SVIL: variants seen among roughly 807,000 people sequenced by gnomAD.
The protein encoded by SVIL is archvillin.
In SVIL, 101 loss-of-function variants were observed where a neutral mutation model predicts 240.4. The observed-to-expected ratio is 0.42, with a 90% CI of 0.36 to 0.50. The LOEUF (loss-of-function observed/expected upper bound fraction) is 0.50. Ranked by LOEUF, SVIL falls within the 20% of genes least tolerant of loss-of-function variation. The pLI is 0.01. For missense variants in SVIL, 2,512 were observed against 2,818.7 expected, an observed-to-expected ratio of 0.89 and a Z score of 2.46; for synonymous variants, 999 against 1,100.0, an observed-to-expected ratio of 0.91 and a Z score of 1.82.
At chr10:29,735,906 C>G (rs936873589), upstream of SVIL, 1 of 152,200 alleles carries the variant, frequency 6.6e-6, no homozygotes, top group Non-Finnish European at 1.5e-5. The surrounding 1 kb of genome is among the most constrained non-coding windows in gnomAD (Gnocchi z 4.1). Context: ...CACTTCGCTC[C>G]TTACCTGGAG....
At chr10:29,463,829 G>A (rs149712967) in intron 34 of SVIL, among the ~76,000 whole-genome samples, 194 bp from the exon 35 acceptor site, 7 of 152,334 alleles carry the variant, frequency 4.6e-5, no homozygotes, top group East Asian at 3.9e-4. Context: ...ACAGTTCAAC[G>A]GGGAGAAGCC....
rs575649548 is a variant in SVIL, at chr10:29,663,389, T to G, written c.-300-5321A>C. Among the ~76,000 whole-genome samples the G allele has an allele frequency of 2.0e-5, 3 of 152,282 alleles. No homozygotes were observed. In the South Asian group the frequency reaches 6.2e-4, roughly 32 times the overall value. ...AATCAACAGATACTTATATTTCTTT[T>G]TTTTGTTTTTTTCTTTTGAGACACA... On this transcript the variant is annotated intron_variant, in intron 2 of 35. Transcript: ENST00000375400.
chr10:29,670,505 A>G (rs1959681924), intron 2 of SVIL, among the ~76,000 whole-genome samples: 1 of 152,248 alleles, frequency 6.6e-6, no homozygotes, highest in Non-Finnish European at 1.5e-5. Flanking sequence ...GTCTGATGGG[A>G]AAGAGAAGTC....
intron 32 of SVIL, chr10:29,468,978 T>C (rs772203586): frequency 6.6e-6 from 1 of 152,228 alleles, no homozygotes. Context: ...CCCCAGTTCC[T>C]AACTCCAGTC....
chr10:29,691,363 C>T (rs945610712), intron 1 of SVIL, among the ~76,000 whole-genome samples: 1 of 152,060 alleles, frequency 6.6e-6, no homozygotes, highest in Non-Finnish European at 1.5e-5. Flanking sequence ...AGGCGCCCAC[C>T]ACCACGCCCG....
At chr10:29,544,129 C>T (rs993227946) in intron 6 of SVIL, among the ~76,000 whole-genome samples, 2 of 152,202 alleles carry the variant, frequency 1.3e-5, no homozygotes, top group Non-Finnish European at 1.5e-5. Context: ...AAAAGTGCTT[C>T]CTGTTACCAA....
chr10:29,624,395 G>A lies in SVIL; in HGVS notation c.-201+10025C>T, dbSNP rs185954427. On this transcript the variant is annotated intron_variant, in intron 1 of 37. Transcript: ENST00000355867. The stretch of plus-strand genomic sequence containing the variant: ...TCTACTAAAAATACAAAAATTAGCC[G>A]GGTGTGGTGGCACACACCTGTAATC... 2.5e-4 allele frequency among the ~76,000 whole-genome samples: 38 copies of A among 152,106 alleles called. No homozygotes were observed. The East Asian group carries it at 6.0e-3, about 24-fold the overall frequency.
rs55843963 is a variant in SVIL at position 29,550,444 on chromosome 10, G to GAA, written c.827+151_827+152dup. Among the ~76,000 whole-genome samples, 3,146 of 132,882 alleles carry GAA rather than the reference G, an allele frequency of 0.024. 124 individuals are homozygous for GAA. Among genetic ancestry groups the GAA allele is most frequent in the African/African-American group, 0.079 (2,910 of 36,714 alleles). 87.2% of individuals were successfully genotyped at this position (132,882 alleles called of 152,430 possible). On this transcript the variant is annotated intron_variant, in intron 6 of 37. Transcript: ENST00000355867. ...GCAACAGAGTGGGACCCTGTCTTCA[G>GAA]AAAAAAAAAAAAAAGAATCATATAC...
At chr10:29,542,820 T>C (rs7899515) in intron 6 of SVIL, among the ~76,000 whole-genome samples, 83,135 of 152,036 alleles carry the variant, frequency 0.55, 23,493 homozygotes, top group African/African-American at 0.7. Flanking sequence ...ATCCTTCCTA[T>C]GACATAGGGT....
chr10:29,529,099 C>A (rs1407834453), intron 12 of SVIL, among the ~76,000 whole-genome samples: 1 of 147,966 alleles, frequency 6.8e-6, no homozygotes, highest in East Asian at 2.0e-4. Flanking sequence ...TCGCTTGAAC[C>A]CAGGAGGCGG....
In SVIL at chr10:29,465,188, C is replaced by CT. The variant is rs201920409; in HGVS notation, c.6133+406dup. Among the ~76,000 whole-genome samples the CT allele has an allele frequency of 1.9e-3, 288 of 152,256 alleles. 1 individual carries two copies. Among genetic ancestry groups the CT allele is most frequent in the African/African-American group, 6.6e-3 (275 of 41,550 alleles). On this transcript the variant is annotated intron_variant, in intron 34 of 37. Coordinates refer to ENST00000355867, the MANE Select transcript of SVIL (RefSeq NM_021738.3). The stretch of plus-strand genomic sequence containing the variant: ...AGAGAGAGAGTGGCTATTAGGTGGG[C>CT]TTTTTTCCTTCCCCTTTCTTTCTCT...
At chr10:29,506,576 T>C (rs1439892441) in intron 17 of SVIL, among the ~76,000 whole-genome samples, 1 of 151,358 alleles carries the variant, frequency 6.6e-6, no homozygotes, top group Non-Finnish European at 1.5e-5. Context: ...ACCTGAGAGC[T>C]AAGAAAGCCC....
intron 2 of SVIL, among the ~76,000 whole-genome samples, chr10:29,678,309 G>A (rs1376358230): frequency 6.6e-6 from 1 of 151,784 alleles, no homozygotes; most frequent in African/African-American, 2.4e-5. Flanking sequence ...ATGAGAGATA[G>A]TGACAGATCA....
At chr10:29,502,349 AAG>A (rs1948958772) in intron 17 of SVIL, among the ~76,000 whole-genome samples, 5 of 152,194 alleles carry the variant, frequency 3.3e-5, no homozygotes, top group Admixed American at 2.0e-4. Context: ...TGTGAGAACA[AAG>A]AAGATATATA....
At chr10:29,718,887 TTTACCTGAGG>T (rs1299941317) in intron 1 of SVIL, among the ~76,000 whole-genome samples, 1 of 152,054 alleles carries the variant, frequency 6.6e-6, no homozygotes, top group African/African-American at 2.4e-5. Flanking sequence ...AGGTGGGCAG[TTTACCTGAGG>T]TCGAGAGTTT....
chr10:29,678,257 T>C (rs1960354304), intron 2 of SVIL, among the ~76,000 whole-genome samples: 1 of 151,894 alleles, frequency 6.6e-6, no homozygotes, highest in Non-Finnish European at 1.5e-5. Context: ...GTGGAAGCCC[T>C]GAGCTTGTTT....
intron 18 of SVIL, among the ~76,000 whole-genome samples, chr10:29,495,695 G>A (rs1177738155): frequency 6.6e-6 from 1 of 152,212 alleles, no homozygotes; most frequent in East Asian, 1.9e-4. Flanking sequence ...ACCAGGGCAG[G>A]TCTGGACCGA....
intron 10 of SVIL, among the ~76,000 whole-genome samples, chr10:29,530,891 T>C (rs1433336818): frequency 6.6e-6 from 1 of 152,248 alleles, no homozygotes; most frequent in African/African-American, 2.4e-5. Flanking sequence ...AAGCAAACTC[T>C]GTCCAGGGAT....
chr10:29,468,178 A>T (rs1355795811), intron 32 of SVIL, among the ~76,000 whole-genome samples: 1 of 152,090 alleles, frequency 6.6e-6, no homozygotes, highest in Non-Finnish European at 1.5e-5. Context: ...GTATTTATGG[A>T]CTTGCCTGTT....
Sources: allele counts gnomAD v4.1 joint callset (sites outside exome capture counted in the v4.1 genomes callset), GRCh38; gene constraint gnomAD v4.1.1; non-coding constraint Gnocchi (gnomAD v3.1); transcripts MANE v1.5; gene names NCBI Gene and HGNC (gene_info 2026-07-23, HGNC 2026-07-21).